The following DNAJC5B variants were observed in gnomAD, a reference collection of about 807,000 sequenced individuals.
DNAJC5B encodes dnaJ homolog subfamily C member 5B.
In DNAJC5B, 23 loss-of-function variants were observed where a neutral mutation model predicts 24.7. The observed-to-expected ratio is 0.93, with a 90% CI of 0.67 to 1.32. The LOEUF (loss-of-function observed/expected upper bound fraction) is 1.32, where lower values mean the gene tolerates loss of function less well. Among genes scored for constraint, DNAJC5B ranks in the 40% most tolerant of loss-of-function variants. The pLI is 0.00. For synonymous variants in DNAJC5B, 101 were observed against 90.1 expected (o/e 1.12, Z -0.68); for missense variants, 238 against 240.8 (o/e 0.99, Z 0.08).
intron 2 of DNAJC5B, among the ~76,000 whole-genome samples, chr8:66,044,619 A>G (rs73243218): frequency 0.023 from 3,432 of 152,206 alleles, 137 homozygotes; most frequent in African/African-American, 0.078. Context: ...AGTTACATCC[A>G]TTATCAAGAG....
At position 66,050,992 on chromosome 8, in the gene DNAJC5B, G is replaced by A. The variant is rs117046778; in HGVS notation, c.-17-539G>A. On this transcript the variant is annotated intron_variant, in intron 2 of 5. Coordinates refer to ENST00000276570, the MANE Select transcript of DNAJC5B (RefSeq NM_033105.6). ...GAACACTTAAAATCTACTCCCTAGCGATTTTCACATACATATATAATATAT... is the reference window on the plus strand; with the variant it reads ...GAACACTTAAAATCTACTCCCTAGCAATTTTCACATACATATATAATATAT... 6.4e-3 allele frequency among the ~76,000 whole-genome samples: 972 copies of A among 152,168 alleles called. 6 individuals carry two copies. Among genetic ancestry groups the A allele is most frequent in the Middle Eastern group, 0.024 (7 of 294 alleles).
chr8:66,046,003 G>A (rs939052560), intron 2 of DNAJC5B, among the ~76,000 whole-genome samples: 1 of 152,136 alleles, frequency 6.6e-6, no homozygotes, highest in Non-Finnish European at 1.5e-5. Context: ...TAAGAACCAG[G>A]AGTTTGGGAA....
intron 2 of DNAJC5B, among the ~76,000 whole-genome samples, chr8:66,047,299 C>T (rs1806742447): frequency 6.6e-6 from 1 of 152,184 alleles, no homozygotes; most frequent in African/African-American, 2.4e-5. Context: ...CAGCATTGGC[C>T]TCCGCATTTG....
intron 5 of DNAJC5B, among the ~76,000 whole-genome samples, chr8:66,087,647 A>G (rs185509659): frequency 8.3e-4 from 126 of 152,330 alleles, no homozygotes; most frequent in African/African-American, 3.0e-3. Context: ...TCCCATTCCA[A>G]ATGGGAGAAA....
chr8:66,076,147 GAGTT>G (rs1321554344), intron 3 of DNAJC5B, among the ~76,000 whole-genome samples: 3 of 152,214 alleles, frequency 2.0e-5, no homozygotes, highest in Non-Finnish European at 4.4e-5. Context: ...AGAAAACCAA[GAGTT>G]AGTTAGGACT....
chr8:66,015,470 G>A, the DNAJC5B span, among the ~76,000 whole-genome samples: 2 of 152,030 alleles, frequency 1.3e-5, no homozygotes, highest in Non-Finnish European at 2.9e-5. Flanking sequence ...TGGGGAGAGC[G>A]GCTTGGGGTT....
intron 3 of DNAJC5B, among the ~76,000 whole-genome samples, chr8:66,075,634 AT>A (rs1807445575): frequency 6.6e-6 from 1 of 152,214 alleles, no homozygotes; most frequent in African/African-American, 2.4e-5. Flanking sequence ...AACACGAACC[AT>A]CATTGTTTGA....
intron 5 of DNAJC5B, among the ~76,000 whole-genome samples, chr8:66,084,522 GAATC>G (rs1400825201): frequency 1.3e-5 from 2 of 152,078 alleles, no homozygotes; most frequent in African/African-American, 2.4e-5. Context: ...GGAATCTGAG[GAATC>G]AACCCTCACC....
At chr8:66,024,302 G>C (rs1477367910) in intron 1 of DNAJC5B, among the ~76,000 whole-genome samples, 1 of 151,430 alleles carries the variant, frequency 6.6e-6, no homozygotes, top group Admixed American at 6.6e-5. Flanking sequence ...TTTAAAAGTT[G>C]TGTAATATAC....
At chr8:66,083,989 G>A (rs1305240632) in intron 5 of DNAJC5B, among the ~76,000 whole-genome samples, 1 of 152,220 alleles carries the variant, frequency 6.6e-6, no homozygotes, top group Non-Finnish European at 1.5e-5. Flanking sequence ...CAGGCCCTTG[G>A]AAGGCACAGG....
At chr8:66,068,585 G>A (rs192237644) in intron 3 of DNAJC5B, among the ~76,000 whole-genome samples, 1 of 149,888 alleles carries the variant, frequency 6.7e-6, no homozygotes, top group African/African-American at 2.4e-5. Flanking sequence ...GATGAAAAAT[G>A]GAAAAAGATA....
At chr8:66,033,604 G>A (rs967691791) in intron 1 of DNAJC5B, among the ~76,000 whole-genome samples, 1 of 151,988 alleles carries the variant, frequency 6.6e-6, no homozygotes, top group Non-Finnish European at 1.5e-5. Flanking sequence ...CTCTGCTCCC[G>A]AGCTGTGAAC....
chr8:66,017,691 A>G (rs1805990958), upstream of DNAJC5B, among the ~76,000 whole-genome samples: 1 of 152,200 alleles, frequency 6.6e-6, no homozygotes, highest in Admixed American at 6.5e-5. Flanking sequence ...TGTTATGCTG[A>G]CACTGGTTTC....
chr8:66,087,811 C>T lies in DNAJC5B; in HGVS notation c.505+7263C>T, dbSNP rs190368038. ...TGGGCCCTCACAGCCTTGGGCAGCT[C>T]TGGCCCTGTGGCTCTGCAGGGTACA... On this transcript the variant is annotated intron_variant, in intron 5 of 5. Transcript: ENST00000276570. Among the ~76,000 whole-genome samples the T allele has an allele frequency of 3.6e-3, 555 of 152,332 alleles. 3 individuals are homozygous for T. Among genetic ancestry groups the T allele is most frequent in the Middle Eastern group, 0.017 (5 of 294 alleles).
At chr8:66,085,948 T>C (rs1445363509) in intron 5 of DNAJC5B, among the ~76,000 whole-genome samples, 1 of 152,180 alleles carries the variant, frequency 6.6e-6, no homozygotes, top group Admixed American at 6.5e-5. Context: ...TCTCTACTTA[T>C]CCACGTCTCA....
chr8:66,053,563 G>T (rs1405231071), intron 3 of DNAJC5B, among the ~76,000 whole-genome samples: 1 of 150,752 alleles, frequency 6.6e-6, no homozygotes, highest in Non-Finnish European at 1.5e-5. Context: ...TTTCCTTCTA[G>T]TCTTTTTTTT....
rs569646627 is a variant in DNAJC5B, at chr8:66,051,000, C to T, written c.-17-531C>T. Among the ~76,000 whole-genome samples, 15 of 152,258 alleles carry T rather than the reference C, an allele frequency of 9.9e-5. No individual in the cohort carries two copies. The South Asian group carries it at 3.1e-3, about 32-fold the overall frequency. ...AAAATCTACTCCCTAGCGATTTTCA[C>T]ATACATATATAATATATTGTTATTG... On this transcript the variant is annotated intron_variant, in intron 2 of 5. Transcript: ENST00000276570.
Position 66,063,650 on chromosome 8 carries a change from C to A in DNAJC5B, c.119+11984C>A, listed in dbSNP as rs182675602. On this transcript the variant is annotated intron_variant, in intron 3 of 5. Transcript: ENST00000276570. ...GAACCTCTTAGTTCTTCATGCAGTG[C>A]CAATCTCAGTCATTCCTAGGTGCCA... 6.6e-4 allele frequency among the ~76,000 whole-genome samples: 101 copies of A among 152,318 alleles called. No homozygotes were observed. In the Middle Eastern group the frequency reaches 0.02, roughly 31 times the overall value.
At chr8:66,043,257 T>A (rs564417664) in intron 1 of DNAJC5B, among the ~76,000 whole-genome samples, 1 of 152,288 alleles carries the variant, frequency 6.6e-6, no homozygotes, top group African/African-American at 2.4e-5. Flanking sequence ...AAAAAGGAAA[T>A]GAAGTTTGAA....
Sources: allele counts gnomAD v4.1 joint callset (sites outside exome capture counted in the v4.1 genomes callset), GRCh38; gene constraint gnomAD v4.1.1; transcripts MANE v1.5; gene names NCBI Gene and HGNC (gene_info 2026-07-23, HGNC 2026-07-21).